FBXL13: variants seen among roughly 807,000 people sequenced by gnomAD.
FBXL13 encodes the protein F-box and leucine-rich repeat protein 13.
Under a neutral mutation model 83.6 loss-of-function variants are expected in FBXL13, and 67 were observed. The ratio of observed to expected loss-of-function variants is 0.80; its 90% confidence interval spans 0.66 to 0.98. FBXL13 has a LOEUF of 0.98. Among genes scored for constraint, FBXL13 ranks in the 50% least tolerant of loss-of-function variants. The pLI, the probability that FBXL13 is intolerant of heterozygous loss-of-function variation, is 0.00. For synonymous variants in FBXL13, 272 were observed against 299.5 expected (o/e 0.91, Z 0.95); for missense variants, 822 against 866.5 (o/e 0.95, Z 0.64).
chr7:102,912,864 G>C (rs1024561275), intron 11 of FBXL13: 14 of 503,842 alleles, frequency 2.8e-5, no homozygotes, highest in African/African-American at 2.3e-4. Context: ...CATCCAATGA[G>C]CTCTGCCTGT....
At chr7:102,926,727 T>C (rs1324947148) in intron 9 of FBXL13, among the ~76,000 whole-genome samples, 1 of 152,146 alleles carries the variant, frequency 6.6e-6, no homozygotes, top group Non-Finnish European at 1.5e-5. Flanking sequence ...GGAAAGCAAT[T>C]AAAAACTGAT....
chr7:103,037,132 A>G (rs573312709), intron 2 of FBXL13, among the ~76,000 whole-genome samples: 124 of 152,368 alleles, frequency 8.1e-4, no homozygotes, highest in Non-Finnish European at 1.3e-3. Context: ...AATCTAGTTC[A>G]TATCTTCATT....
intron 6 of FBXL13, among the ~76,000 whole-genome samples, chr7:103,024,281 C>T (rs1034207512): frequency 6.6e-6 from 1 of 152,024 alleles, no homozygotes; most frequent in Middle Eastern, 3.4e-3. Flanking sequence ...AATCCCAGCA[C>T]TTTGGGAGGC....
intron 8 of FBXL13, among the ~76,000 whole-genome samples, chr7:102,961,692 A>C (rs1825238504): frequency 6.6e-6 from 1 of 150,724 alleles, no homozygotes; most frequent in Non-Finnish European, 1.5e-5. Context: ...CATATCTACA[A>C]CTATCTGATC....
chr7:103,025,011 C>T (rs537185691), intron 6 of FBXL13, 52 bp downstream of exon 7: 3 of 1,425,428 alleles, frequency 2.1e-6, no homozygotes, highest in African/African-American at 2.9e-5. Flanking sequence ...CAGGCATGCA[C>T]CACCACACTT....
chr7:102,844,618 C>A (rs1051628956), intron 17 of FBXL13, among the ~76,000 whole-genome samples: 1 of 152,146 alleles, frequency 6.6e-6, no homozygotes, highest in African/African-American at 2.4e-5. Flanking sequence ...CTCAATACTT[C>A]CAGAACACTT....
Position 102,867,695 on chromosome 7 carries a change from ATT to A in FBXL13, c.1635+9770_1635+9771del, listed in dbSNP as rs1205859622. Among the ~76,000 whole-genome samples the A allele has an allele frequency of 1.2e-3, 60 of 49,036 alleles. 1 individual carries two copies. Among genetic ancestry groups the A allele is most frequent in the South Asian group, 0.011 (15 of 1,382 alleles). 32.2% of individuals were successfully genotyped at this position (49,036 alleles called of 152,430 possible). On this transcript the variant is annotated intron_variant, in intron 16 of 19. Transcript: ENST00000313221. ...TATATATATATATATATATATATAT[ATT>A]TTTTTTTTTTTTTTTTTTTTTTTGA...
At chr7:102,856,143 A>G (rs1806021284) in intron 16 of FBXL13, among the ~76,000 whole-genome samples, 1 of 152,060 alleles carries the variant, frequency 6.6e-6, no homozygotes, top group Admixed American at 6.6e-5. Flanking sequence ...CATTCTTTCA[A>G]TTTGATTGTT....
At chr7:102,863,977 T>C (rs1206985547) in intron 16 of FBXL13, among the ~76,000 whole-genome samples, 2 of 152,178 alleles carry the variant, frequency 1.3e-5, no homozygotes, top group South Asian at 2.1e-4. Context: ...AACCTCATTA[T>C]TTCTAGCTAT....
chr7:102,986,211 T>C (rs1348433251), intron 6 of FBXL13, among the ~76,000 whole-genome samples: 2 of 152,066 alleles, frequency 1.3e-5, no homozygotes, highest in African/African-American at 2.4e-5. Context: ...TTGACAACCA[T>C]CAGAAGCCAA....
intron 11 of FBXL13, among the ~76,000 whole-genome samples, chr7:102,908,874 C>T (rs1268558377): frequency 1.3e-5 from 2 of 152,212 alleles, no homozygotes; most frequent in African/African-American, 4.8e-5. Flanking sequence ...GGGTCTTGCC[C>T]AAGGCCTGCT....
At chr7:102,846,169 C>T (rs993985645) in intron 17 of FBXL13, among the ~76,000 whole-genome samples, 4 of 152,108 alleles carry the variant, frequency 2.6e-5, no homozygotes, top group African/African-American at 9.7e-5. Context: ...ATATATCTGC[C>T]TAACCCACTA....
chr7:102,859,405 T>C (rs1205422210), intron 16 of FBXL13, among the ~76,000 whole-genome samples: 1 of 152,144 alleles, frequency 6.6e-6, no homozygotes, highest in African/African-American at 2.4e-5. Flanking sequence ...TGTGGGTTTT[T>C]TTTTTCTCAG....
chr7:102,852,483 T>G lies in FBXL13; in HGVS notation c.1719+2294A>C, dbSNP rs150784829. Among the ~76,000 whole-genome samples the G allele has an allele frequency of 4.1e-3, 617 of 151,702 alleles. 5 individuals are homozygous for G. The highest frequency in any genetic ancestry group is 0.014 in the African/African-American group (591 of 41,328). On this transcript the variant is annotated intron_variant, in intron 17 of 19. Transcript: ENST00000313221. ...AAATCTACAACGAACTCAAACAAAT[T>G]AGCAAGAAAAAAACAAACAGTCCCA... is the stretch of plus-strand genomic sequence containing the variant.
At chr7:102,953,357 CG>C (rs1823716795) in intron 8 of FBXL13, among the ~76,000 whole-genome samples, 1 of 148,750 alleles carries the variant, frequency 6.7e-6, no homozygotes, top group Non-Finnish European at 1.5e-5. Context: ...GTTCAACAGA[CG>C]AAAAAAAAAA....
intron 9 of FBXL13, among the ~76,000 whole-genome samples, chr7:102,927,274 T>C (rs1818316833): frequency 6.6e-6 from 1 of 152,164 alleles, no homozygotes; most frequent in East Asian, 1.9e-4. Context: ...CCAGTTTAAG[T>C]ATTAGTGGTG....
chr7:102,959,360 T>C (rs1417142376), intron 8 of FBXL13, among the ~76,000 whole-genome samples: 1 of 152,130 alleles, frequency 6.6e-6, no homozygotes. Context: ...CTGTCTTGCG[T>C]TTGGAGTTTT....
At chr7:102,836,720 A>C (rs1802053783) in intron 17 of FBXL13, among the ~76,000 whole-genome samples, 1 of 152,226 alleles carries the variant, frequency 6.6e-6, no homozygotes, top group African/African-American at 2.4e-5. Flanking sequence ...GCTGAGTCAC[A>C]GTGTAGGCAC....
chr7:102,852,169 G>A (rs539594577), intron 17 of FBXL13, among the ~76,000 whole-genome samples: 2 of 152,284 alleles, frequency 1.3e-5, no homozygotes, highest in East Asian at 3.9e-4. Context: ...GAGGAAGGGA[G>A]AGAGTAGACA....
Sources: allele counts gnomAD v4.1 joint callset (sites outside exome capture counted in the v4.1 genomes callset), GRCh38; gene constraint gnomAD v4.1.1; transcripts MANE v1.5; gene names NCBI Gene and HGNC (gene_info 2026-07-23, HGNC 2026-07-21).